The following OR56A3 variants were observed in gnomAD, a reference collection of about 807,000 sequenced individuals.
The protein encoded by OR56A3 is olfactory receptor family 56 subfamily A member 3.
OR56A3 carries 23 observed loss-of-function variants against 17.5 expected under a neutral mutation model. That is an observed-to-expected ratio of 1.32 (90% confidence interval 0.95 to 1.87). OR56A3 has a LOEUF of 1.87. OR56A3 is among the 40% of genes most tolerant of loss of function. The pLI, the probability that OR56A3 is intolerant of heterozygous loss-of-function variation, is 0.00. For synonymous variants in OR56A3, 175 were observed against 150.6 expected (o/e 1.16, Z -1.19); for missense variants, 366 against 380.1 (o/e 0.96, Z 0.31).
chr11:6,007,648 A>G, the OR56A3 span, among the ~76,000 whole-genome samples: 1 of 151,634 alleles, frequency 6.6e-6, no homozygotes, highest in African/African-American at 2.4e-5. Flanking sequence ...GAAATCCTAG[A>G]AAAAAAAAGT....
At chr11:5,974,437 T>G in the OR56A3 span, among the ~76,000 whole-genome samples, 1 of 152,172 alleles carries the variant, frequency 6.6e-6, no homozygotes, top group African/African-American at 2.4e-5. Context: ...GAAATCCTTT[T>G]CCTGTACTGT....
the OR56A3 span, chr11:5,968,199 G>A: frequency 1.2e-6 from 2 of 1,614,112 alleles, no homozygotes; most frequent in Admixed American, 1.7e-5. Context: ...AAGGAAGCAG[G>A]CAGGGAAGCT....
At chr11:5,988,644 C>T in the OR56A3 span, among the ~76,000 whole-genome samples, 1 of 152,038 alleles carries the variant, frequency 6.6e-6, no homozygotes, top group African/African-American at 2.4e-5. Context: ...AATTAGACCA[C>T]AGGCTTCTTT....
chr11:5,954,357 C>G (rs1847922610), downstream of OR56A3, among the ~76,000 whole-genome samples: 1 of 152,066 alleles, frequency 6.6e-6, no homozygotes, highest in Non-Finnish European at 1.5e-5. Flanking sequence ...CAATCCAGGG[C>G]TAGGAACACA....
At chr11:5,970,015 G>T in the OR56A3 span, among the ~76,000 whole-genome samples, 2 of 152,154 alleles carry the variant, frequency 1.3e-5, no homozygotes, top group African/African-American at 4.8e-5. Flanking sequence ...AAAGTTTCAC[G>T]AAACAAAAAA....
At chr11:5,965,208 T>C in the OR56A3 span, among the ~76,000 whole-genome samples, 1 of 152,182 alleles carries the variant, frequency 6.6e-6, no homozygotes, top group Admixed American at 6.5e-5. Flanking sequence ...AAAATTAGTC[T>C]CCACATGTAA....
chr11:5,986,625 C>A, the OR56A3 span: 29 of 1,613,836 alleles, frequency 1.8e-5, 1 homozygote, highest in South Asian at 3.2e-4. Context: ...GAACCAGGAG[C>A]ACTGCAAGGG....
the OR56A3 span, among the ~76,000 whole-genome samples, chr11:5,980,648 C>T: frequency 5.3e-5 from 8 of 152,158 alleles, no homozygotes; most frequent in Admixed American, 3.3e-4. Context: ...CCAAATTGAA[C>T]ATTTTAAGTG....
the OR56A3 span, among the ~76,000 whole-genome samples, chr11:6,016,050 G>A: frequency 6.6e-6 from 1 of 152,150 alleles, no homozygotes; most frequent in African/African-American, 2.4e-5. Flanking sequence ...TTGGAGGTGG[G>A]ACCTAGTGAG....
the OR56A3 span, among the ~76,000 whole-genome samples, chr11:5,983,477 A>T: frequency 1.3e-5 from 2 of 152,056 alleles, no homozygotes; most frequent in African/African-American, 4.8e-5. Context: ...AAAAAAAAAA[A>T]AAAATCTCCT....
At chr11:5,984,781 A>G in the OR56A3 span, among the ~76,000 whole-genome samples, 83 of 152,330 alleles carry the variant, frequency 5.4e-4, no homozygotes, top group South Asian at 1.0e-3. Flanking sequence ...GAAAAACTAG[A>G]AAAAACAACT....
chr11:6,013,079 C>G, the OR56A3 span, among the ~76,000 whole-genome samples: 1 of 152,226 alleles, frequency 6.6e-6, no homozygotes, highest in African/African-American at 2.4e-5. Flanking sequence ...GCATCTGTGC[C>G]CAGGGGTGTG....
the OR56A3 span, among the ~76,000 whole-genome samples, chr11:6,015,613 G>A: frequency 3.9e-5 from 6 of 152,334 alleles, no homozygotes; most frequent in Admixed American, 6.5e-5. Flanking sequence ...AGCTGTCCAA[G>A]GCCTTGGGAG....
chr11:5,987,823 AT>A, the OR56A3 span, among the ~76,000 whole-genome samples: 1 of 152,098 alleles, frequency 6.6e-6, no homozygotes, highest in African/African-American at 2.4e-5. Context: ...CACCTGGACT[AT>A]TTCATAACAT....
At chr11:5,983,406 T>G in the OR56A3 span, among the ~76,000 whole-genome samples, 1 of 152,060 alleles carries the variant, frequency 6.6e-6, no homozygotes, top group African/African-American at 2.4e-5. Flanking sequence ...TGCTACCTTA[T>G]TGTTATTGTT....
chr11:5,968,322 A>G, the OR56A3 span: 11 of 1,613,118 alleles, frequency 6.8e-6, no homozygotes, highest in Non-Finnish European at 9.3e-6. Flanking sequence ...GGGCTGGTGC[A>G]GAGAGGCTTC....
the OR56A3 span, among the ~76,000 whole-genome samples, chr11:6,015,429 C>A: frequency 4.7e-4 from 71 of 152,218 alleles, no homozygotes; most frequent in Non-Finnish European, 6.6e-4. Flanking sequence ...GAGCCTCGCA[C>A]AGTTCCCACT....
At chr11:5,960,175 A>C in the OR56A3 span, among the ~76,000 whole-genome samples, 2 of 152,184 alleles carry the variant, frequency 1.3e-5, no homozygotes, top group Non-Finnish European at 2.9e-5. Context: ...TATGAATTTT[A>C]GAATTTTCTA....
chr11:5,946,685 TAG>T lies in OR56A3; in HGVS notation c.-36-620_-36-619del, dbSNP rs1312681498. On this transcript the variant is annotated intron_variant, in intron 2 of 2. Coordinates refer to ENST00000641160, the MANE Select transcript of OR56A3 (RefSeq NM_001003443.3). ...CCTAAAAATATGAACATCTAAAAAA[TAG>T]AGAGATATTAAGGCAATTATTTGGT... is the stretch of plus-strand genomic sequence containing the variant. 2.0e-5 allele frequency among the ~76,000 whole-genome samples: 3 copies of T among 152,156 alleles called. No homozygotes were observed. The East Asian group carries it at 5.8e-4, about 29-fold the overall frequency.
Sources: allele counts gnomAD v4.1 joint callset (sites outside exome capture counted in the v4.1 genomes callset), GRCh38; gene constraint gnomAD v4.1.1; transcripts MANE v1.5; gene names NCBI Gene and HGNC (gene_info 2026-07-23, HGNC 2026-07-21).